PXN: variants seen among roughly 807,000 people sequenced by gnomAD.
The protein encoded by PXN is testicular tissue protein Li 134.
In PXN, 61 loss-of-function variants were observed where a neutral mutation model predicts 103.6. The ratio of observed to expected loss-of-function variants is 0.59; its 90% CI spans 0.48 to 0.73. The LOEUF (loss-of-function observed/expected upper bound fraction) is 0.73, where lower values mean the gene tolerates loss of function less well. PXN is among the 30% of genes least tolerant of loss of function. PXN has a pLI of 0.00. For synonymous variants in PXN, 562 were observed against 607.8 expected (o/e 0.92, Z 1.11); for missense variants, 1,274 against 1,460.3 (o/e 0.87, Z 2.08).
rs1884587723 is a variant in PXN, at chr12:120,219,943, G to GT, written c.979dup (p.Thr327AsnfsTer8). 1.9e-6 allele frequency: 3 copies of GT among 1,597,530 alleles called. No homozygotes were observed. The highest frequency in any genetic ancestry group is 8.5e-7 in the Non-Finnish European group (1 of 1,178,960). On this transcript the variant is annotated frameshift_variant, in exon 7 of 15. Transcript: ENST00000637617. LOFTEE classifies it high-confidence loss of function. This position sits in a 1 kb window ranked among gnomAD's most constrained non-coding sequence, Gnocchi z 6.5. ...CTGCTCAGTACAAGGGAACTCCGGA[G>GT]TGTGGCCCTGGCCTCGAGGGGAGGG...
In PXN at chr12:120,215,020, G is replaced by A. The variant is rs773574044; in HGVS notation, c.2575-22C>T. On this transcript the variant is annotated intron_variant, in intron 11 of 14. Coordinates refer to ENST00000637617, the MANE Select transcript of PXN (RefSeq NM_001385981.1). This position sits in a 1 kb window ranked among gnomAD's most constrained non-coding sequence, Gnocchi z 4.9. The stretch of plus-strand genomic sequence containing the variant: ...CAACCTGAGGAGGAGATGGAATGCG[G>A]TCCAGGGCCAAGGCCAGCCCCGGAG... 6.2e-7 allele frequency: 1 copy of A among 1,610,404 alleles called. No individual in the cohort carries two copies. Among genetic ancestry groups the A allele is most frequent in the Non-Finnish European group, 8.5e-7 (1 of 1,178,408 alleles).
rs1340576387 is a variant in PXN at position 120,213,976 on chromosome 12, C to T, written c.2845G>A (p.Asp949Asn). The change falls in exon 14 of 15, where the codon GAC (aspartate) becomes AAC (asparagine). Residue 949 changes from aspartate (D) to asparagine (N), a missense_variant. Asp to Asn is a conservative substitution (Grantham distance 23). This residue lies in a region of PXN where 1,178 missense variants were observed against 1,309.0 expected (regional missense o/e 0.90). Transcript: ENST00000637617. This position sits in a 1 kb window ranked among gnomAD's most constrained non-coding sequence, Gnocchi z 4.2. ...TCCTTGCGACAGTAGGCCTTGCCGT[C>T]CTTCTCGTGGAACCCTGGGGAGCGG... The part of the protein sequence containing the change: ...FFGPEGFHEK[D>N]GKAYCRKDYF... 2 of 1,612,394 alleles carry T rather than the reference C, an allele frequency of 1.2e-6. No homozygotes were observed.
rs1884663540 is a variant in PXN at position 120,220,123 on chromosome 12, A to G, written c.832-32T>C. Reference sequence around the variant, plus strand: ...AAGAGAGAAATGCAGAGGGGAGAGGAGAGAGAGAGATGAGGGGAGTGAGGA... The same window carrying G: ...AAGAGAGAAATGCAGAGGGGAGAGGGGAGAGAGAGATGAGGGGAGTGAGGA... On this transcript the variant is annotated intron_variant, in intron 6 of 14. Coordinates refer to ENST00000637617, the MANE Select transcript of PXN (RefSeq NM_001385981.1). This position sits in a 1 kb window ranked among gnomAD's most constrained non-coding sequence, Gnocchi z 6.1. 2 of 842,402 alleles carry G rather than the reference A, an allele frequency of 2.4e-6. No homozygotes were observed. Among genetic ancestry groups the G allele is most frequent in the African/African-American group, 3.4e-5 (2 of 58,188 alleles). 52.2% of individuals were successfully genotyped at this position (842,402 alleles called of 1,614,324 possible). A position where few individuals can be genotyped will look rare whatever the true frequency, so the allele number is the denominator to read the frequency against.
intron 1 of PXN, among the ~76,000 whole-genome samples, chr12:120,244,080 T>C (rs1426578201): frequency 4.6e-5 from 7 of 151,178 alleles, no homozygotes; most frequent in Non-Finnish European, 1.0e-4. Context: ...GCTCACTGTA[T>C]GCAAAGCCCG....
At position 120,213,506 on chromosome 12, in the gene PXN, T is replaced by C. The variant is rs1249831865; in HGVS notation, c.2979+336A>G. On this transcript the variant is annotated intron_variant, in intron 14 of 14. Transcript: ENST00000637617. This position sits in a 1 kb window ranked among gnomAD's most constrained non-coding sequence, Gnocchi z 4.2. ...CTGTGGGGCCCCCAGAATGCAGTGGTTTTGGAAACCACTGCCCATTTCTGT... is the reference window on the plus strand; with the variant it reads ...CTGTGGGGCCCCCAGAATGCAGTGGCTTTGGAAACCACTGCCCATTTCTGT... 6.6e-6 allele frequency among the ~76,000 whole-genome samples: 1 copy of C among 152,226 alleles called. No individual in the cohort carries two copies. The highest frequency in any genetic ancestry group is 1.5e-5 in the Non-Finnish European group (1 of 68,034).
rs1288730805 is a variant in PXN, at chr12:120,228,373, A to G, written c.14-3996T>C. Among the ~76,000 whole-genome samples, 3 of 152,228 alleles carry G rather than the reference A, an allele frequency of 2.0e-5. No individual in the cohort carries two copies. The highest frequency in any genetic ancestry group is 4.4e-5 in the Non-Finnish European group (3 of 68,036). ...CTCTCTGGGCCAGCGGAAGTATGCA[A>G]CATGAGGAGGTAGGCCAGGCTGTCT... On this transcript the variant is annotated intron_variant, in intron 1 of 14. Coordinates refer to ENST00000637617, the MANE Select transcript of PXN (RefSeq NM_001385981.1). The surrounding 1 kb of genome is among the most constrained non-coding windows in gnomAD (Gnocchi z 4.7).
At position 120,211,059 on chromosome 12, in the gene PXN, T is replaced by G. The variant is rs1426039836; in HGVS notation, c.*1255A>C. ...GGCCAAAATCAGACACCAGCTTTCC[T>G]GAGAAGGCAGAAGAGAGAGCCCCAT... On this transcript the variant is annotated 3_prime_UTR_variant, in exon 15 of 15. Transcript: ENST00000637617. The G allele has an allele frequency of 6.6e-6, 1 of 152,396 alleles. No individual in the cohort carries two copies. Among genetic ancestry groups the G allele is most frequent in the Non-Finnish European group, 1.5e-5 (1 of 68,184 alleles). The allele number at this position is 152,396 out of a possible 1,614,324, so 9.4% of individuals were successfully genotyped here. A position where few individuals can be genotyped will look rare whatever the true frequency, so the allele number is the denominator to read the frequency against.
chr12:120,219,975 G>C lies in PXN; in HGVS notation c.948C>G (p.Thr316=). 6.3e-7 allele frequency: 1 copy of C among 1,592,738 alleles called. No homozygotes were observed. The highest frequency in any genetic ancestry group is 1.7e-5 in the Admixed American group (1 of 59,938). ...CCTGGCCTCGAGGGGAGGGTATAGT[G>C]GTGGGTGGCAGAAATACAGATGGCA... The part of the protein sequence containing the change: ...PPMPSVFLPP[T]TIPSPRGQGH... The change falls in exon 7 of 15, where the codon ACC becomes ACG. Residue 316 remains threonine (T), a synonymous_variant. Coordinates refer to ENST00000637617, the MANE Select transcript of PXN (RefSeq NM_001385981.1). This position sits in a 1 kb window ranked among gnomAD's most constrained non-coding sequence, Gnocchi z 6.5.
At position 120,229,478 on chromosome 12, in the gene PXN, C is replaced by A. The variant is rs1266644130; in HGVS notation, c.14-5101G>T. ...GCTCTGAGGACTTTCAGTGTTACAA[C>A]TTGTACGGTGAATCCTCAGTCACCT... On this transcript the variant is annotated intron_variant, in intron 1 of 14. Transcript: ENST00000637617. This position sits in a 1 kb window ranked among gnomAD's most constrained non-coding sequence, Gnocchi z 4.0. Among the ~76,000 whole-genome samples the A allele has an allele frequency of 6.6e-6, 1 of 152,202 alleles. No individual in the cohort carries two copies. The highest frequency in any genetic ancestry group is 1.5e-5 in the Non-Finnish European group (1 of 68,040).
At chr12:120,248,269 G>A (rs1460731038) in intron 1 of PXN, among the ~76,000 whole-genome samples, 1 of 152,022 alleles carries the variant, frequency 6.6e-6, no homozygotes. Context: ...GATGGCCACA[G>A]AGCAGGAAAT....
intron 1 of PXN, among the ~76,000 whole-genome samples, chr12:120,246,165 T>C (rs192625100): frequency 8.6e-5 from 13 of 151,292 alleles, no homozygotes; most frequent in Admixed American, 5.2e-4. Flanking sequence ...AGCAGGAGGA[T>C]TGCTTGAGGC....
chr12:120,220,556 G>A lies in PXN; in HGVS notation c.832-465C>T, dbSNP rs564739822. Among the ~76,000 whole-genome samples the A allele has an allele frequency of 6.6e-6, 1 of 152,268 alleles. No homozygotes were observed. Among genetic ancestry groups the A allele is most frequent in the South Asian group, 2.1e-4 (1 of 4,822 alleles). ...TTCCACATCCTTGCTCCAGGGATCT[G>A]ACTAAAACCACTGCTGCTTCTCCTG... is the stretch of plus-strand genomic sequence containing the variant. On this transcript the variant is annotated intron_variant, in intron 6 of 14. Coordinates refer to ENST00000637617, the MANE Select transcript of PXN (RefSeq NM_001385981.1). This position sits in a 1 kb window ranked among gnomAD's most constrained non-coding sequence, Gnocchi z 6.1.
chr12:120,231,952 T>G (rs936884120), intron 1 of PXN, among the ~76,000 whole-genome samples: 13 of 152,272 alleles, frequency 8.5e-5, no homozygotes, highest in African/African-American at 3.1e-4. Flanking sequence ...AGGTTGACTC[T>G]GAGCACTTCT....
Position 120,216,874 on chromosome 12 carries a change from A to G in PXN, c.1959T>C (p.Arg653=). 6.6e-7 allele frequency: 1 copy of G among 1,504,676 alleles called. No homozygotes were observed. Among genetic ancestry groups the G allele is most frequent in the Non-Finnish European group, 8.8e-7 (1 of 1,134,594 alleles). 93.2% of individuals were successfully genotyped at this position (1,504,676 alleles called of 1,614,324 possible). A position where few individuals can be genotyped will look rare whatever the true frequency, so the allele number is the denominator to read the frequency against. ...TEGVIITVQP[R]GKRAGGQLVE... ...CGAGCTGCCCCCCGGCCCGCTTCCC[A>G]CGTGGCTGCACAGTGATGATGACGC... is the stretch of plus-strand genomic sequence containing the variant. Residue 653 remains arginine (R), a synonymous_variant, in exon 8 of 15, where the codon CGT becomes CGC. Transcript: ENST00000637617. This position sits in a 1 kb window ranked among gnomAD's most constrained non-coding sequence, Gnocchi z 5.1.
chr12:120,218,354 G>A (rs564284483), intron 7 of PXN, among the ~76,000 whole-genome samples: 1 of 152,044 alleles, frequency 6.6e-6, no homozygotes, highest in African/African-American at 2.4e-5. Context: ...GAGGCATAAA[G>A]TTTTTTGTTG....
intron 1 of PXN, chr12:120,226,045 T>G: frequency 3.7e-6 from 4 of 1,084,950 alleles, no homozygotes; most frequent in Non-Finnish European, 4.5e-6. Flanking sequence ...GAGGCCTGGC[T>G]TCCTGTCTCT....
At chr12:120,248,543 A>T (rs1254790380) in intron 1 of PXN, among the ~76,000 whole-genome samples, 1 of 127,528 alleles carries the variant, frequency 7.8e-6, no homozygotes, top group Non-Finnish European at 1.6e-5. Context: ...CACACACACC[A>T]GACTGTCCCC....
intron 1 of PXN, among the ~76,000 whole-genome samples, chr12:120,246,104 A>G (rs1891054819): frequency 6.7e-6 from 1 of 149,860 alleles, no homozygotes; most frequent in Non-Finnish European, 1.5e-5. Flanking sequence ...ACAAGGCAAG[A>G]GGCCAGACAC....
rs996981027 is a variant in PXN, at chr12:120,215,915, G to C, written c.2302-254C>G. 7.1e-7 allele frequency: 1 copy of C among 1,400,222 alleles called. No individual in the cohort carries two copies. The highest frequency in any genetic ancestry group is 9.3e-7 in the Non-Finnish European group (1 of 1,078,380). The allele number at this position is 1,400,222 out of a possible 1,614,324, so 86.7% of individuals were successfully genotyped here. ...TGGCAAGGGGAGGTGGCCGGGCTCAGTGATGAGGCCTCACCGGGCGCTGGG... is the reference window on the plus strand; with the variant it reads ...TGGCAAGGGGAGGTGGCCGGGCTCACTGATGAGGCCTCACCGGGCGCTGGG... On this transcript the variant is annotated intron_variant, in intron 9 of 14. Transcript: ENST00000637617. This position sits in a 1 kb window ranked among gnomAD's most constrained non-coding sequence, Gnocchi z 4.9.
Sources: gnomAD v4.1 joint callset for allele counts (sites outside exome capture counted in the v4.1 genomes callset) on GRCh38, gnomAD v4.1.1 for gene constraint, gnomAD v4.1.1 regional missense constraint, Gnocchi (gnomAD v3.1) non-coding constraint, MANE v1.5 for transcripts, NCBI Gene and HGNC (gene_info 2026-07-23, HGNC 2026-07-21) for gene names.